The following CNTNAP2 variants were observed in gnomAD, a reference collection of about 807,000 sequenced individuals.
CNTNAP2 encodes the protein contactin associated protein 2.
A neutral mutation model predicts 155.2 loss-of-function variants in CNTNAP2; 98 were observed. The ratio of observed to expected loss-of-function variants is 0.63; its 90% CI spans 0.54 to 0.75. The LOEUF (loss-of-function observed/expected upper bound fraction) is 0.75, where lower values mean the gene tolerates loss of function less well. Among genes scored for constraint, CNTNAP2 ranks in the 30% least tolerant of loss-of-function variants. CNTNAP2 has a pLI of 0.00. For synonymous variants in CNTNAP2, 651 were observed against 631.2 expected (o/e 1.03, Z -0.47); for missense variants, 1,727 against 1,688.1 (o/e 1.02, Z -0.40).
intron 21 of CNTNAP2, among the ~76,000 whole-genome samples, chr7:148,276,208 T>C (rs1246883469): frequency 1.3e-5 from 2 of 152,164 alleles, no homozygotes; most frequent in African/African-American, 4.8e-5. Flanking sequence ...CTTATTTGGG[T>C]GTTCCCAGGA....
intron 2 of CNTNAP2, among the ~76,000 whole-genome samples, chr7:146,775,968 G>A (rs1272250068): frequency 1.3e-5 from 2 of 152,074 alleles, no homozygotes; most frequent in Non-Finnish European, 2.9e-5. Flanking sequence ...ATGGACATGA[G>A]AGAGTTGTTG....
In CNTNAP2 at chr7:148,152,817, G is replaced by A. The variant is rs564411183; in HGVS notation, c.2773+5108G>A. ...GGGGGGATCACGAAGTCAGGAGATC[G>A]AGACCATCCTGGCTAGCACGGTGAA... is the stretch of plus-strand genomic sequence containing the variant. On this transcript the variant is annotated intron_variant, in intron 17 of 23. Transcript: ENST00000361727. 8.1e-4 allele frequency among the ~76,000 whole-genome samples: 123 copies of A among 152,042 alleles called. 1 individual carries two copies. Among genetic ancestry groups the A allele is most frequent in the Non-Finnish European group, 1.2e-3 (79 of 67,992 alleles).
chr7:146,838,092 C>T (rs1309525303), intron 2 of CNTNAP2, among the ~76,000 whole-genome samples: 1 of 152,100 alleles, frequency 6.6e-6, no homozygotes, highest in Non-Finnish European at 1.5e-5. Context: ...CCTGTTAATT[C>T]CAGCTTCTTT....
chr7:148,315,840 G>A (rs1797677632), intron 21 of CNTNAP2, among the ~76,000 whole-genome samples: 1 of 152,134 alleles, frequency 6.6e-6, no homozygotes, highest in African/African-American at 2.4e-5. Flanking sequence ...ATTCCCTACA[G>A]ACTTTTTTAT....
At chr7:146,198,947 A>G (rs1400810924) in intron 1 of CNTNAP2, among the ~76,000 whole-genome samples, 1 of 152,196 alleles carries the variant, frequency 6.6e-6, no homozygotes, top group Non-Finnish European at 1.5e-5. Context: ...ATCAACATAT[A>G]CTACATTTCC....
At chr7:146,874,868 TTTTG>T (rs1331700552) in intron 3 of CNTNAP2, among the ~76,000 whole-genome samples, 1 of 152,188 alleles carries the variant, frequency 6.6e-6, no homozygotes, top group Non-Finnish European at 1.5e-5. Flanking sequence ...CAATTAGCGC[TTTTG>T]TTTATTTTAT....
chr7:146,639,799 A>T (rs1227025402), intron 1 of CNTNAP2, among the ~76,000 whole-genome samples: 1 of 152,256 alleles, frequency 6.6e-6, no homozygotes, highest in South Asian at 2.1e-4. Flanking sequence ...TCACAGTTTT[A>T]GTAGACAAGG....
At chr7:148,413,401 A>AT (rs1554432357) in intron 23 of CNTNAP2, among the ~76,000 whole-genome samples, 2 of 45,366 alleles carry the variant, frequency 4.4e-5, no homozygotes, top group African/African-American at 2.5e-4. Flanking sequence ...TCAAAAAAAA[A>AT]ATATATATAT....
At chr7:148,260,716 G>A (rs980642599) in intron 20 of CNTNAP2, among the ~76,000 whole-genome samples, 18 of 152,312 alleles carry the variant, frequency 1.2e-4, no homozygotes, top group South Asian at 4.1e-4. Context: ...GGACAACCTC[G>A]GTGGGTGTCT....
chr7:147,516,613 A>AAT (rs1799131530), intron 11 of CNTNAP2, among the ~76,000 whole-genome samples: 2 of 100,158 alleles, frequency 2.0e-5, no homozygotes, highest in African/African-American at 7.4e-5. Flanking sequence ...ACAGAGAGAG[A>AAT]GAGAATGTGT....
chr7:146,719,723 AT>A (rs11287281), intron 1 of CNTNAP2, among the ~76,000 whole-genome samples: 31,534 of 147,714 alleles, frequency 0.21, 5,544 homozygotes, highest in African/African-American at 0.48. Context: ...CTCTTTCTCC[AT>A]TTTTTTTTTG....
intron 9 of CNTNAP2, among the ~76,000 whole-genome samples, chr7:147,359,318 ACCTG>A (rs1796111319): frequency 6.6e-6 from 1 of 152,152 alleles, no homozygotes; most frequent in Non-Finnish European, 1.5e-5. Flanking sequence ...AAAATCTGCT[ACCTG>A]CTGTCCCGAG....
chr7:147,211,454 C>A (rs1409728357), intron 8 of CNTNAP2, among the ~76,000 whole-genome samples: 1 of 151,858 alleles, frequency 6.6e-6, no homozygotes, highest in Non-Finnish European at 1.5e-5. Flanking sequence ...ATAGCACTGG[C>A]ACAAAAACAG....
intron 15 of CNTNAP2, among the ~76,000 whole-genome samples, chr7:148,036,161 A>G (rs1802569980): frequency 6.6e-6 from 1 of 152,210 alleles, no homozygotes. Context: ...TAATTTAGAT[A>G]ACATTCTGGA....
chr7:148,025,712 A>T (rs1034615153), intron 15 of CNTNAP2, among the ~76,000 whole-genome samples: 1 of 152,200 alleles, frequency 6.6e-6, no homozygotes, highest in Non-Finnish European at 1.5e-5. Context: ...TTGCAATAAC[A>T]TAATACTTAC....
intron 15 of CNTNAP2, among the ~76,000 whole-genome samples, chr7:148,093,728 T>G (rs78664528): frequency 0.011 from 1,616 of 152,288 alleles, 32 homozygotes; most frequent in African/African-American, 0.037. Flanking sequence ...CATAGAAAAT[T>G]ATTTTAAATG....
chr7:148,406,301 G>C (rs955094898), intron 22 of CNTNAP2, among the ~76,000 whole-genome samples: 2 of 152,088 alleles, frequency 1.3e-5, no homozygotes, highest in Admixed American at 1.3e-4. Context: ...AAGGAGGTCA[G>C]GAAATTTCTG....
intron 3 of CNTNAP2, among the ~76,000 whole-genome samples, chr7:146,967,097 C>T (rs755269802): frequency 6.6e-6 from 1 of 152,092 alleles, no homozygotes; most frequent in Non-Finnish European, 1.5e-5. Context: ...TTTTGTGTGT[C>T]AGATACCTTA....
chr7:147,518,788 T>C (rs1799177434), intron 11 of CNTNAP2, among the ~76,000 whole-genome samples: 1 of 152,116 alleles, frequency 6.6e-6, no homozygotes, highest in Non-Finnish European at 1.5e-5. Flanking sequence ...CCCAGCACTT[T>C]GGGAGGGCAA....
Sources: allele counts gnomAD v4.1 joint callset (sites outside exome capture counted in the v4.1 genomes callset), GRCh38; gene constraint gnomAD v4.1.1; transcripts MANE v1.5; gene names NCBI Gene and HGNC (gene_info 2026-07-23, HGNC 2026-07-21).